The following MAP3K7CL variants were observed in gnomAD, a reference collection of about 807,000 sequenced individuals.
The protein encoded by MAP3K7CL is MAP3K7 C-terminal like.
A neutral mutation model predicts 18.6 loss-of-function variants in MAP3K7CL; 16 were observed. That is an observed-to-expected ratio of 0.86 (90% confidence interval 0.58 to 1.31). MAP3K7CL has a LOEUF of 1.31. Among genes scored for constraint, MAP3K7CL ranks in the 50% most tolerant of loss-of-function variants. The pLI is 0.00. For missense variants in MAP3K7CL, 163 were observed against 174.4 expected, an observed-to-expected ratio of 0.93 and a Z score of 0.37; for synonymous variants, 65 against 66.8, an observed-to-expected ratio of 0.97 and a Z score of 0.13.
At chr21:29,128,626 A>G (rs548260310), upstream of MAP3K7CL, among the ~76,000 whole-genome samples, 14 of 152,296 alleles carry the variant, frequency 9.2e-5, no homozygotes, top group African/African-American at 3.4e-4. Flanking sequence ...TACGGAGTGC[A>G]TCCTGGTGTA....
chr21:29,104,274 T>C (rs8126654), intron 4 of MAP3K7CL, among the ~76,000 whole-genome samples: 6 of 152,122 alleles, frequency 3.9e-5, no homozygotes, highest in African/African-American at 1.4e-4. Flanking sequence ...CGGGGTTTTT[T>C]CTGTTCTCAT....
upstream of MAP3K7CL, among the ~76,000 whole-genome samples, chr21:29,126,894 C>T (rs569907629): frequency 6.6e-6 from 1 of 152,256 alleles, no homozygotes; most frequent in South Asian, 2.1e-4. Context: ...TGTCACATAG[C>T]AATACAGAGC....
At chr21:29,145,336 T>G (rs779357338) in intron 2 of MAP3K7CL, among the ~76,000 whole-genome samples, 15 of 152,224 alleles carry the variant, frequency 9.9e-5, no homozygotes, top group Non-Finnish European at 1.9e-4. Flanking sequence ...CTGTACAGTC[T>G]ACTTTATGCT....
At chr21:29,083,902 G>A (rs1483536706), upstream of MAP3K7CL, among the ~76,000 whole-genome samples, 2 of 148,158 alleles carry the variant, frequency 1.3e-5, no homozygotes, top group African/African-American at 2.5e-5. Flanking sequence ...TCTTGTTTAT[G>A]TAATATATAT....
intron 4 of MAP3K7CL, among the ~76,000 whole-genome samples, chr21:29,119,851 G>T (rs760395522): frequency 1.1e-4 from 17 of 152,014 alleles, no homozygotes; most frequent in Non-Finnish European, 2.1e-4. Context: ...TTTTAATAGA[G>T]ATGGGGTTTC....
chr21:29,095,343 A>T (rs116224261), intron 4 of MAP3K7CL, among the ~76,000 whole-genome samples: 2,738 of 152,082 alleles, frequency 0.018, 89 homozygotes, highest in African/African-American at 0.062. Context: ...GTGGGCTATA[A>T]AGAGGCAGGA....
chr21:29,117,755 G>T (rs1389099136), intron 4 of MAP3K7CL, among the ~76,000 whole-genome samples: 2 of 152,110 alleles, frequency 1.3e-5, no homozygotes, highest in African/African-American at 2.4e-5. Context: ...TCACTTTTTT[G>T]AATGTCCTCA....
intron 4 of MAP3K7CL, among the ~76,000 whole-genome samples, chr21:29,124,712 A>G (rs960250795): frequency 1.3e-5 from 2 of 152,214 alleles, no homozygotes; most frequent in African/African-American, 4.8e-5. Context: ...CAAATATCAA[A>G]AGGAGAATAA....
At chr21:29,082,354 T>A (rs2085849724), upstream of MAP3K7CL, among the ~76,000 whole-genome samples, 1 of 152,170 alleles carries the variant, frequency 6.6e-6, no homozygotes, top group African/African-American at 2.4e-5. Flanking sequence ...TCACAAAAAA[T>A]TTCTAAATTT....
intron 4 of MAP3K7CL, among the ~76,000 whole-genome samples, chr21:29,123,408 CA>C (rs1178287475): frequency 6.6e-6 from 1 of 151,644 alleles, no homozygotes; most frequent in African/African-American, 2.4e-5. Context: ...AGTAGTCCTG[CA>C]AAAAAAGAAA....
intron 4 of MAP3K7CL, among the ~76,000 whole-genome samples, chr21:29,095,034 G>T (rs2086096430): frequency 6.6e-6 from 1 of 151,096 alleles, no homozygotes; most frequent in South Asian, 2.1e-4. Flanking sequence ...CTCCAGCCTG[G>T]GTGATAGAGC....
At chr21:29,101,558 G>A (rs1032961728) in intron 4 of MAP3K7CL, among the ~76,000 whole-genome samples, 3 of 152,108 alleles carry the variant, frequency 2.0e-5, no homozygotes, top group East Asian at 1.9e-4. Flanking sequence ...ACAGGCGCCC[G>A]CCACCATGCC....
intron 3 of MAP3K7CL, among the ~76,000 whole-genome samples, chr21:29,158,917 CTTTTT>C (rs36003464): frequency 7.0e-5 from 7 of 100,432 alleles, no homozygotes; most frequent in African/African-American, 8.0e-5. Flanking sequence ...AAAAGTAGTA[CTTTTT>C]TTTTTTTTTT....
intron 4 of MAP3K7CL, among the ~76,000 whole-genome samples, chr21:29,123,123 C>T (rs368518463): frequency 3.8e-5 from 5 of 133,236 alleles, no homozygotes; most frequent in African/African-American, 1.4e-4. Flanking sequence ...AGTGCAATGG[C>T]GTGATCTTGG....
chr21:29,120,833 A>G (rs909359251), intron 4 of MAP3K7CL, among the ~76,000 whole-genome samples: 14 of 151,784 alleles, frequency 9.2e-5, no homozygotes, highest in African/African-American at 3.4e-4. Context: ...TGGGAGGCCA[A>G]GGTGGGTGGA....
At chr21:29,156,771 A>C (rs1458951408) in intron 3 of MAP3K7CL, among the ~76,000 whole-genome samples, 2 of 152,220 alleles carry the variant, frequency 1.3e-5, no homozygotes, top group Non-Finnish European at 2.9e-5. Flanking sequence ...TATTCACCAG[A>C]ATTCCTGCTG....
At chr21:29,101,362 T>A (rs78261976) in intron 4 of MAP3K7CL, among the ~76,000 whole-genome samples, 6,448 of 152,298 alleles carry the variant, frequency 0.042, 288 homozygotes, top group East Asian at 0.14. Context: ...ATTGGATCAA[T>A]GTTCACCTGA....
chr21:29,171,373 T>C (rs954036970), intron 4 of MAP3K7CL, among the ~76,000 whole-genome samples: 1 of 152,232 alleles, frequency 6.6e-6, no homozygotes, highest in Non-Finnish European at 1.5e-5. Context: ...CTGGTTTTGC[T>C]CAGTGGACAC....
chr21:29,140,387 G>A (rs1475822825), intron 2 of MAP3K7CL, among the ~76,000 whole-genome samples: 1 of 152,096 alleles, frequency 6.6e-6, no homozygotes, highest in East Asian at 1.9e-4. Context: ...TGCTTTTACT[G>A]GCATCTTCTC....
Sources: allele counts gnomAD v4.1 joint callset (sites outside exome capture counted in the v4.1 genomes callset), GRCh38; gene constraint gnomAD v4.1.1; transcripts MANE v1.5; gene names NCBI Gene and HGNC (gene_info 2026-07-23, HGNC 2026-07-21).